DGKI: variants seen among roughly 807,000 people sequenced by gnomAD.
DGKI encodes the protein diacylglycerol kinase iota.
In DGKI, 55 loss-of-function variants were observed where a neutral mutation model predicts 147.5. That is an observed-to-expected ratio of 0.37 (90% CI 0.30 to 0.47). The LOEUF is 0.47. Ranked by LOEUF, DGKI falls within the 20% of genes least tolerant of loss-of-function variation. The pLI, the probability that DGKI is intolerant of heterozygous loss-of-function variation, is 1.00. For missense variants in DGKI, 1,007 were observed against 1,323.8 expected, an observed-to-expected ratio of 0.76 and a Z score of 3.71; for synonymous variants, 469 against 477.1, an observed-to-expected ratio of 0.98 and a Z score of 0.22.
At chr7:137,449,978 GCAA>G (rs930452960) in intron 27 of DGKI, among the ~76,000 whole-genome samples, 4 of 152,150 alleles carry the variant, frequency 2.6e-5, no homozygotes, top group Non-Finnish European at 5.9e-5. Context: ...CCTGTCATTT[GCAA>G]CAACATCAAT....
intron 6 of DGKI, among the ~76,000 whole-genome samples, chr7:137,633,122 G>A (rs1007321238): frequency 4.0e-5 from 6 of 148,560 alleles, no homozygotes; most frequent in Admixed American, 1.4e-4. Flanking sequence ...TGAGGCAGGA[G>A]AATTGCTTGA....
At chr7:137,396,921 TC>T (rs1401089611) in intron 31 of DGKI, among the ~76,000 whole-genome samples, 1 of 152,242 alleles carries the variant, frequency 6.6e-6, no homozygotes. Flanking sequence ...TGTTCTCAGT[TC>T]TTCAGTGGTG....
At chr7:137,410,134 G>A (rs146367040) in intron 29 of DGKI, among the ~76,000 whole-genome samples, 2,474 of 152,162 alleles carry the variant, frequency 0.016, 70 homozygotes, top group African/African-American at 0.056. Context: ...GGCCAGGTGC[G>A]GTGGCTCACA....
chr7:137,750,763 G>T (rs2116755605), intron 1 of DGKI, among the ~76,000 whole-genome samples: 1 of 152,266 alleles, frequency 6.6e-6, no homozygotes, highest in Middle Eastern at 3.4e-3. Flanking sequence ...CTACATCTGT[G>T]ACCTTGGGGA....
intron 1 of DGKI, chr7:137,774,552 C>T (rs920209617): frequency 6.6e-6 from 1 of 152,094 alleles, no homozygotes; most frequent in Admixed American, 6.6e-5. Flanking sequence ...CCATTACCCT[C>T]CCCCTACACA....
intron 12 of DGKI, among the ~76,000 whole-genome samples, chr7:137,596,858 C>G (rs1819816560): frequency 6.6e-6 from 1 of 152,104 alleles, no homozygotes; most frequent in Non-Finnish European, 1.5e-5. Context: ...TTGTTGCTAC[C>G]TTTGAGAATA....
intron 3 of DGKI, among the ~76,000 whole-genome samples, chr7:137,666,180 G>T (rs981024348): frequency 1.8e-4 from 28 of 152,228 alleles, no homozygotes; most frequent in Admixed American, 9.2e-4. Flanking sequence ...ATGGTTAAAT[G>T]TGACTTATGT....
At chr7:137,447,132 C>T (rs1813748538) in intron 27 of DGKI, among the ~76,000 whole-genome samples, 1 of 151,970 alleles carries the variant, frequency 6.6e-6, no homozygotes, top group Admixed American at 6.6e-5. Context: ...TTTTATTTTG[C>T]TTAAATGCAG....
At chr7:137,616,288 T>C (rs1247036098) in intron 8 of DGKI, among the ~76,000 whole-genome samples, 2 of 152,290 alleles carry the variant, frequency 1.3e-5, no homozygotes, top group East Asian at 3.9e-4. Context: ...ACTATGATGA[T>C]AAAATAAGAT....
intron 1 of DGKI, among the ~76,000 whole-genome samples, chr7:137,830,916 A>G (rs1168371986): frequency 6.6e-6 from 1 of 152,154 alleles, no homozygotes; most frequent in African/African-American, 2.4e-5. Flanking sequence ...TAGCCCTTTG[A>G]CTTAAATTAT....
chr7:137,538,820 T>C (rs1233704524), intron 20 of DGKI, among the ~76,000 whole-genome samples: 1 of 152,182 alleles, frequency 6.6e-6, no homozygotes, highest in Non-Finnish European at 1.5e-5. Context: ...AAGTAAACGA[T>C]AGCAGTAGAT....
intron 1 of DGKI, among the ~76,000 whole-genome samples, chr7:137,718,366 C>T (rs1025771249): frequency 2.0e-5 from 3 of 152,190 alleles, no homozygotes; most frequent in Admixed American, 1.3e-4. Context: ...CCAAAGGTGG[C>T]CCCTTAGAGG....
At chr7:137,396,281 A>G (rs577404998) in intron 31 of DGKI, among the ~76,000 whole-genome samples, 1 of 152,298 alleles carries the variant, frequency 6.6e-6, no homozygotes, top group South Asian at 2.1e-4. Flanking sequence ...AGGATATCTG[A>G]GAGGCACAGT....
At chr7:137,705,981 C>T (rs539687696) in intron 1 of DGKI, among the ~76,000 whole-genome samples, 3 of 152,096 alleles carry the variant, frequency 2.0e-5, no homozygotes, top group East Asian at 1.9e-4. Flanking sequence ...TCTTTTTAAG[C>T]TAATTTTTAT....
chr7:137,392,327 A>G (rs1811396077), intron 32 of DGKI, among the ~76,000 whole-genome samples: 1 of 152,056 alleles, frequency 6.6e-6, no homozygotes, highest in South Asian at 2.1e-4. Flanking sequence ...GAATGCCTGT[A>G]TATATTACTT....
chr7:137,423,781 G>A (rs987715753), intron 28 of DGKI, among the ~76,000 whole-genome samples: 4 of 151,964 alleles, frequency 2.6e-5, no homozygotes, highest in African/African-American at 9.7e-5. Flanking sequence ...ATGCACATAC[G>A]GCAAAAGTGT....
At chr7:137,695,823 T>A (rs919006099) in intron 1 of DGKI, among the ~76,000 whole-genome samples, 4 of 152,230 alleles carry the variant, frequency 2.6e-5, no homozygotes, top group Non-Finnish European at 5.9e-5. Flanking sequence ...CAAGAGGACA[T>A]GTTTACTAGG....
At position 137,469,539 on chromosome 7, in the gene DGKI, G is replaced by A; in HGVS notation, c.2443+11C>T. 6.2e-7 allele frequency: 1 copy of A among 1,613,598 alleles called. No homozygotes were observed. Among genetic ancestry groups the A allele is most frequent in the Non-Finnish European group, 8.5e-7 (1 of 1,179,678 alleles). On this transcript the variant is annotated intron_variant, in intron 24 of 32. Coordinates refer to ENST00000614521, the MANE Select transcript of DGKI (RefSeq NM_001321708.2). ...AACTCCCACGATACCCGCAAGAAAG[G>A]CAGAACTCACCATCTAGGAAGCACC...
At chr7:137,416,365 T>A (rs1390529381) in intron 28 of DGKI, among the ~76,000 whole-genome samples, 1 of 152,144 alleles carries the variant, frequency 6.6e-6, no homozygotes, top group Non-Finnish European at 1.5e-5. Flanking sequence ...GATACATAGA[T>A]TAATTAACAA....
Sources: allele counts gnomAD v4.1 joint callset (sites outside exome capture counted in the v4.1 genomes callset), GRCh38; gene constraint gnomAD v4.1.1; transcripts MANE v1.5; gene names NCBI Gene and HGNC (gene_info 2026-07-23, HGNC 2026-07-21).